The following CEP43 variants were observed in gnomAD, a reference collection of about 807,000 sequenced individuals.
The protein encoded by CEP43 is FGFR1 oncogene partner.
Under a neutral mutation model 52.6 loss-of-function variants are expected in CEP43, and 36 were observed. That is an observed-to-expected ratio of 0.68 (90% CI 0.52 to 0.90). CEP43 has a LOEUF of 0.90. Ranked by LOEUF, CEP43 falls within the 40% of genes least tolerant of loss-of-function variation. The probability of loss-of-function intolerance (pLI) is 0.00; values close to 1 mark genes in which losing one functional copy is unlikely to be tolerated. For synonymous variants in CEP43, 192 were observed against 172.4 expected (o/e 1.11, Z -0.89); for missense variants, 506 against 472.8 (o/e 1.07, Z -0.65).
chr6:167,032,680 G>GT, intron 11 of CEP43, 38 bp downstream of exon 11: 1 of 1,486,440 alleles, frequency 6.7e-7, no homozygotes, highest in Non-Finnish European at 9.1e-7. Flanking sequence ...AAATATATAC[G>GT]TTATTTGTAA....
At position 167,043,929 on chromosome 6, in the gene CEP43, A is replaced by G. The variant is rs1780752491; in HGVS notation, c.*3951A>G. The G allele has an allele frequency of 1.3e-5, 2 of 152,210 alleles. 1 individual carries two copies. Among genetic ancestry groups the G allele is most frequent in the Admixed American group, 1.3e-4 (2 of 15,280 alleles). 9.4% of individuals were successfully genotyped at this position (152,210 alleles called of 1,614,324 possible). Reference sequence around the variant, plus strand: ...ACTGAATGTGTCCCCCAAAATGTGTATGTCGAAACCTAATCCCACATAGGA... The same window carrying G: ...ACTGAATGTGTCCCCCAAAATGTGTGTGTCGAAACCTAATCCCACATAGGA... On this transcript the variant is annotated 3_prime_UTR_variant, in exon 13 of 13. Coordinates refer to ENST00000366847, the MANE Select transcript of CEP43 (RefSeq NM_007045.4).
chr6:167,002,696 T>C lies in CEP43; in HGVS notation c.157-497T>C, dbSNP rs1779765310. 2.0e-5 allele frequency among the ~76,000 whole-genome samples: 3 copies of C among 152,210 alleles called. No individual in the cohort carries two copies. In the South Asian group the frequency reaches 6.2e-4, roughly 31 times the overall value. The stretch of plus-strand genomic sequence containing the variant: ...TCAGCAACAATCACAGGCTTGATGG[T>C]CTAGAAGTATTTTTTCCATACTTAT... On this transcript the variant is annotated intron_variant, in intron 2 of 12. Transcript: ENST00000366847.
At position 167,022,463 on chromosome 6, in the gene CEP43, A is replaced by G. The variant is rs1321341345; in HGVS notation, c.634A>G (p.Lys212Glu). Residue 212 changes from lysine to glutamate, a missense_variant, in exon 8 of 13, where the codon AAG becomes GAG. Physicochemically the swap from Lys to Glu is moderately conservative, Grantham distance 56. Coordinates refer to ENST00000366847, the MANE Select transcript of CEP43 (RefSeq NM_007045.4). ...TACAAGTGTCTCCTTGTCAGAACCC[A>G]AGAGCAAAAGCAGCCTTCACTTACT... ...SDTSVSLSEP[K>E]SKSSLHLLSH... The G allele has an allele frequency of 1.2e-6, 2 of 1,614,216 alleles. No homozygotes were observed. Among genetic ancestry groups the G allele is most frequent in the East Asian group, 4.5e-5 (2 of 44,890 alleles).
intron 2 of CEP43, among the ~76,000 whole-genome samples, chr6:167,002,504 G>C (rs1358331750): frequency 6.6e-6 from 1 of 152,102 alleles, no homozygotes; most frequent in African/African-American, 2.4e-5. Context: ...AAGTGACTAG[G>C]TCACATGCTA....
At chr6:167,034,188 T>C (rs1023121969) in intron 12 of CEP43, among the ~76,000 whole-genome samples, 1 of 152,220 alleles carries the variant, frequency 6.6e-6, no homozygotes, top group African/African-American at 2.4e-5. Context: ...GTCTCGCTGC[T>C]GAAATGCCTG....
chr6:167,028,568 A>G lies in CEP43; in HGVS notation c.988+1953A>G. Reference sequence around the variant, plus strand: ...TACAGTACTCTAGGTATTTTGAGTAATATGTAGACAGATGTTAGTGGACCA... The same window carrying G: ...TACAGTACTCTAGGTATTTTGAGTAGTATGTAGACAGATGTTAGTGGACCA... On this transcript the variant is annotated intron_variant, in intron 10 of 12. Coordinates refer to ENST00000366847, the MANE Select transcript of CEP43 (RefSeq NM_007045.4). 3.4e-6 allele frequency: 3 copies of G among 880,796 alleles called. No individual in the cohort carries two copies. The South Asian group carries it at 1.6e-4, about 46-fold the overall frequency. 54.6% of individuals were successfully genotyped at this position (880,796 alleles called of 1,614,324 possible).
chr6:167,033,459 T>G (rs562182049), intron 11 of CEP43, among the ~76,000 whole-genome samples: 1 of 152,322 alleles, frequency 6.6e-6, no homozygotes, highest in East Asian at 1.9e-4. Flanking sequence ...AAGTAATATT[T>G]GTTGTGGATA....
At chr6:167,026,382 C>CA (rs1780356105) in intron 9 of CEP43, among the ~76,000 whole-genome samples, 165 bp from the exon 10 acceptor site, 1 of 152,198 alleles carries the variant, frequency 6.6e-6, no homozygotes, top group Non-Finnish European at 1.5e-5. Flanking sequence ...GGTTGTGATG[C>CA]ATAGCTTAAG....
At chr6:167,017,284 C>T (rs924393656) in intron 7 of CEP43, among the ~76,000 whole-genome samples, 4 of 152,120 alleles carry the variant, frequency 2.6e-5, no homozygotes, top group Non-Finnish European at 4.4e-5. Flanking sequence ...TGTGAGCCAC[C>T]GCGCCTGGCC....
chr6:167,012,755 G>T (rs1259828455), intron 6 of CEP43, among the ~76,000 whole-genome samples: 1 of 152,140 alleles, frequency 6.6e-6, no homozygotes, highest in Non-Finnish European at 1.5e-5. Flanking sequence ...AGTCAGTCAG[G>T]AAATGATGCT....
chr6:167,035,750 A>G (rs1780571015), intron 12 of CEP43, among the ~76,000 whole-genome samples: 3 of 151,580 alleles, frequency 2.0e-5, no homozygotes, highest in South Asian at 2.1e-4. Flanking sequence ...GTATTTTTTT[A>G]TAGAGACAGG....
rs1554277246 is a variant in CEP43 at position 167,042,814 on chromosome 6, T to TTGTGTGTGTGTGTGTGTGTCTG, written c.*2855_*2856insCTGTGTGTGTGTGTGTGTGTGT. The TTGTGTGTGTGTGTGTGTGTCTG allele has an allele frequency of 7.3e-6, 1 of 137,796 alleles. No homozygotes were observed. The highest frequency in any genetic ancestry group is 2.1e-4 in the East Asian group (1 of 4,660). 8.5% of individuals were successfully genotyped at this position (137,796 alleles called of 1,614,324 possible). On this transcript the variant is annotated 3_prime_UTR_variant, in exon 13 of 13. Coordinates refer to ENST00000366847, the MANE Select transcript of CEP43 (RefSeq NM_007045.4). ...ATACTCTGAAATGGTCTTGCTTATTTTGTGTGTGTGTGTGTGTGTGTGTGT... is the reference window on the plus strand; with the variant it reads ...ATACTCTGAAATGGTCTTGCTTATTTTGTGTGTGTGTGTGTGTGTCTGTGTGTGTGTGTGTGTGTGTGTGTGT...
At chr6:167,039,812 G>T in intron 12 of CEP43, 92 bp from the exon 13 acceptor site, 7 of 1,271,714 alleles carry the variant, frequency 5.5e-6, no homozygotes, top group Non-Finnish European at 6.8e-6. Flanking sequence ...CAGGAGTAAG[G>T]TGGTATCTCA....
intron 7 of CEP43, among the ~76,000 whole-genome samples, chr6:167,020,460 T>C (rs6904946): frequency 0.4 from 60,781 of 152,126 alleles, 12,476 homozygotes; most frequent in Non-Finnish European, 0.46. Context: ...CGGTAATGTC[T>C]AACCCAGACT....
intron 4 of CEP43, 94 bp from the exon 5 acceptor site, chr6:167,004,170 A>C: frequency 7.6e-7 from 1 of 1,317,790 alleles, no homozygotes; most frequent in Non-Finnish European, 1.0e-6. Flanking sequence ...CTTTGAGTTT[A>C]AAGATGTCTT....
At chr6:167,007,174 T>A (rs1200801866) in intron 5 of CEP43, among the ~76,000 whole-genome samples, 3 of 152,196 alleles carry the variant, frequency 2.0e-5, no homozygotes, top group Non-Finnish European at 4.4e-5. Context: ...GAAAGAATAA[T>A]TGCTGGAGGG....
chr6:167,012,640 A>G (rs1440043830), intron 6 of CEP43, among the ~76,000 whole-genome samples: 1 of 152,168 alleles, frequency 6.6e-6, no homozygotes, highest in African/African-American at 2.4e-5. Context: ...ACCTATATAT[A>G]ATGTATGTCT....
At chr6:167,036,236 C>A in intron 12 of CEP43, 2 of 985,350 alleles carry the variant, frequency 2.0e-6, no homozygotes, top group Non-Finnish European at 2.4e-6. Flanking sequence ...CTTGGTTCTG[C>A]GAGGGCTGAG....
Position 167,004,067 on chromosome 6 carries a change from A to G in CEP43, c.301-197A>G, listed in dbSNP as rs1003465486. ...TAATTTTGATACGATGTTAGAGTGC[A>G]CCTGTTAATGGAAACGTTGAAGGTA... On this transcript the variant is annotated intron_variant, in intron 4 of 12. Coordinates refer to ENST00000366847, the MANE Select transcript of CEP43 (RefSeq NM_007045.4). The G allele has an allele frequency of 1.1e-5, 7 of 611,250 alleles. No individual in the cohort carries two copies. In the African/African-American group the frequency reaches 1.3e-4, roughly 11 times the overall value. 37.9% of individuals were successfully genotyped at this position (611,250 alleles called of 1,614,324 possible).
Sources: allele counts gnomAD v4.1 joint callset (sites outside exome capture counted in the v4.1 genomes callset), GRCh38; gene constraint gnomAD v4.1.1; transcripts MANE v1.5; gene names NCBI Gene and HGNC (gene_info 2026-07-23, HGNC 2026-07-21).